MCC: variants seen among roughly 807,000 people sequenced by gnomAD.
MCC encodes the protein colorectal mutant cancer protein.
In MCC, 90 loss-of-function variants were observed where a neutral mutation model predicts 116.2. That is an observed-to-expected ratio of 0.77 (90% CI 0.65 to 0.92). MCC has a LOEUF of 0.92. Ranked by LOEUF, MCC falls within the 40% of genes least tolerant of loss-of-function variation. The pLI is 0.00. For missense variants in MCC, 1,516 were observed against 1,312.2 expected (o/e 1.16, Z -2.40); for synonymous variants, 578 against 510.5 (o/e 1.13, Z -1.78).
intron 1 of MCC, among the ~76,000 whole-genome samples, chr5:113,421,042 G>A (rs1580353999): frequency 7.1e-6 from 1 of 141,680 alleles, no homozygotes; most frequent in African/African-American, 2.6e-5. Flanking sequence ...TTTTTTTTTT[G>A]AGATGGAGTC....
At chr5:113,380,242 C>T (rs1332561333) in intron 2 of MCC, among the ~76,000 whole-genome samples, 2 of 152,212 alleles carry the variant, frequency 1.3e-5, no homozygotes, top group African/African-American at 4.8e-5. Flanking sequence ...ATTCTTTCTA[C>T]TTCTCTCCAT....
At chr5:113,364,474 C>T (rs1768636934) in intron 2 of MCC, among the ~76,000 whole-genome samples, 1 of 152,180 alleles carries the variant, frequency 6.6e-6, no homozygotes, top group Non-Finnish European at 1.5e-5. Context: ...CATGGGCTGG[C>T]ACTAAGTGCC....
intron 13 of MCC, 56 bp from the exon 14 acceptor site, chr5:113,064,223 T>G (rs995182424): frequency 6.7e-7 from 1 of 1,496,258 alleles, no homozygotes; most frequent in Non-Finnish European, 9.1e-7. Flanking sequence ...AAGGCACGCC[T>G]GGGAGGGACT....
intron 8 of MCC, among the ~76,000 whole-genome samples, chr5:113,094,731 T>C (rs1203803372): frequency 6.6e-6 from 1 of 152,210 alleles, no homozygotes; most frequent in African/African-American, 2.4e-5. Flanking sequence ...ATGTTCCTAA[T>C]TTCTTACCAG....
intron 3 of MCC, among the ~76,000 whole-genome samples, chr5:113,240,821 C>T (rs1050670917): frequency 6.6e-6 from 1 of 152,204 alleles, no homozygotes; most frequent in Admixed American, 6.5e-5. Flanking sequence ...GGCACAGCCT[C>T]AGGACCAGAG....
At chr5:113,349,389 A>G (rs1480755230) in intron 2 of MCC, among the ~76,000 whole-genome samples, 1 of 152,152 alleles carries the variant, frequency 6.6e-6, no homozygotes, top group Non-Finnish European at 1.5e-5. Flanking sequence ...AGGATGGTTC[A>G]ACATATACAA....
At chr5:113,054,707 A>G (rs999361731) in intron 14 of MCC, among the ~76,000 whole-genome samples, 2 of 152,200 alleles carry the variant, frequency 1.3e-5, no homozygotes, top group East Asian at 1.9e-4. Context: ...TATAGTGTTC[A>G]CTATAGGGAC....
In MCC at chr5:113,195,550, G is replaced by A. The variant is rs542793524; in HGVS notation, c.628-44128C>T. Among the ~76,000 whole-genome samples, 78 of 152,090 alleles carry A rather than the reference G, an allele frequency of 5.1e-4. 1 individual carries two copies. The highest frequency in any genetic ancestry group is 6.9e-4 in the Non-Finnish European group (47 of 68,012). Reference sequence around the variant, plus strand: ...TTTATCACCCATCTGTGGGCTCTGGGCCTCCTGAGATCACCAGGACTCTGC... The same window carrying A: ...TTTATCACCCATCTGTGGGCTCTGGACCTCCTGAGATCACCAGGACTCTGC... On this transcript the variant is annotated intron_variant, in intron 3 of 18. Coordinates refer to ENST00000408903, the MANE Select transcript of MCC (RefSeq NM_001085377.2).
intron 3 of MCC, among the ~76,000 whole-genome samples, chr5:113,340,146 G>C (rs1247823094): frequency 6.6e-6 from 1 of 152,126 alleles, no homozygotes; most frequent in African/African-American, 2.4e-5. Flanking sequence ...TTTCCTTTTT[G>C]TTTTCCAAAT....
chr5:113,365,340 G>A (rs1236671825), intron 2 of MCC, among the ~76,000 whole-genome samples: 1 of 152,022 alleles, frequency 6.6e-6, no homozygotes, highest in African/African-American at 2.4e-5. Context: ...ATGCAGCCAG[G>A]GTCTCTGCTA....
chr5:113,341,180 T>TTTCC (rs372162886), intron 2 of MCC, among the ~76,000 whole-genome samples: 42 of 151,964 alleles, frequency 2.8e-4, no homozygotes, highest in Admixed American at 1.1e-3. Flanking sequence ...CCTTCCTTCC[T>TTTCC]TTCCTTCCTT....
chr5:113,149,954 T>C (rs114402054), intron 4 of MCC, among the ~76,000 whole-genome samples: 3,368 of 152,202 alleles, frequency 0.022, 61 homozygotes, highest in Non-Finnish European at 0.035. Flanking sequence ...AATTGGAGAA[T>C]AGTAGCTAAA....
chr5:113,027,954 C>T (rs548428501), intron 18 of MCC, among the ~76,000 whole-genome samples: 1 of 152,292 alleles, frequency 6.6e-6, no homozygotes, highest in East Asian at 1.9e-4. Flanking sequence ...ATGCTTTGGG[C>T]TGGTGGGACT....
At chr5:113,323,736 G>C (rs753972146) in intron 3 of MCC, among the ~76,000 whole-genome samples, 3 of 152,128 alleles carry the variant, frequency 2.0e-5, no homozygotes, top group Non-Finnish European at 2.9e-5. Context: ...AAAATCTCAC[G>C]TGGGCCTGGA....
At chr5:113,057,044 G>A (rs528019610) in intron 14 of MCC, among the ~76,000 whole-genome samples, 5 of 152,284 alleles carry the variant, frequency 3.3e-5, no homozygotes, top group African/African-American at 7.2e-5. Context: ...TAAGGGAGGC[G>A]AGAGAGGGAG....
At chr5:113,239,192 A>G (rs1311293726) in intron 3 of MCC, among the ~76,000 whole-genome samples, 1 of 152,246 alleles carries the variant, frequency 6.6e-6, no homozygotes, top group African/African-American at 2.4e-5. Context: ...TAGTTGAAAC[A>G]ATAACATCAG....
intron 17 of MCC, among the ~76,000 whole-genome samples, chr5:113,036,238 A>G (rs902604225): frequency 2.6e-5 from 4 of 151,906 alleles, no homozygotes; most frequent in Non-Finnish European, 5.9e-5. Context: ...GGGTTTCACC[A>G]TGTTGGCCAG....
intron 8 of MCC, among the ~76,000 whole-genome samples, chr5:113,100,244 T>C (rs1756312524): frequency 6.6e-6 from 1 of 152,196 alleles, no homozygotes; most frequent in Admixed American, 6.5e-5. Flanking sequence ...CTTCCATATT[T>C]TTCAAATGAG....
At chr5:113,373,936 C>G (rs1768907389) in intron 2 of MCC, among the ~76,000 whole-genome samples, 1 of 151,338 alleles carries the variant, frequency 6.6e-6, no homozygotes, top group Admixed American at 6.6e-5. Flanking sequence ...GGGTCTCACT[C>G]TGTCACCCAA....
Sources: gnomAD v4.1 joint callset for allele counts (sites outside exome capture counted in the v4.1 genomes callset) on GRCh38, gnomAD v4.1.1 for gene constraint, MANE v1.5 for transcripts, NCBI Gene and HGNC (gene_info 2026-07-23, HGNC 2026-07-21) for gene names.